RBFOX1: variants seen among roughly 807,000 people sequenced by gnomAD.
The protein encoded by RBFOX1 is RNA binding protein fox-1 homolog 1.
Under a neutral mutation model 57.7 loss-of-function variants are expected in RBFOX1, and 8 were observed. The observed-to-expected ratio is 0.14, with a 90% CI of 0.08 to 0.25. The LOEUF (loss-of-function observed/expected upper bound fraction) is 0.25. RBFOX1 is among the 10% of genes least tolerant of loss of function. The pLI is 1.00. For synonymous variants in RBFOX1, 326 were observed against 222.4 expected, an observed-to-expected ratio of 1.47 and a Z score of -4.15; for missense variants, 611 against 548.5, an observed-to-expected ratio of 1.11 and a Z score of -1.14.
intron 2 of RBFOX1, among the ~76,000 whole-genome samples, chr16:6,442,232 A>G (rs2094398125): frequency 1.3e-5 from 2 of 152,142 alleles, no homozygotes; most frequent in South Asian, 4.1e-4. Context: ...AGGGGGACAC[A>G]TCCACTCGAA....
chr16:7,335,045 G>A (rs1179830545), intron 4 of RBFOX1, among the ~76,000 whole-genome samples: 1 of 152,152 alleles, frequency 6.6e-6, no homozygotes, highest in Non-Finnish European at 1.5e-5. Context: ...CTTTACTTAT[G>A]GTTTGCTGAG....
At chr16:5,755,504 A>T (rs2053361562) in intron 3 of RBFOX1, among the ~76,000 whole-genome samples, 1 of 152,198 alleles carries the variant, frequency 6.6e-6, no homozygotes, top group Non-Finnish European at 1.5e-5. Context: ...CAGTAGCCCT[A>T]AGCTGTGACT....
chr16:6,452,286 C>G (rs894727118), intron 2 of RBFOX1, among the ~76,000 whole-genome samples: 17 of 151,860 alleles, frequency 1.1e-4, no homozygotes, highest in Admixed American at 3.3e-4. Context: ...TTCCATGACT[C>G]CATCCATGGC....
intron 3 of RBFOX1, among the ~76,000 whole-genome samples, chr16:5,816,598 A>G (rs558786139): frequency 6.6e-6 from 1 of 152,268 alleles, no homozygotes; most frequent in Admixed American, 6.5e-5. Flanking sequence ...AGCCTGGGCA[A>G]CATAGTTAAA....
intron 4 of RBFOX1, among the ~76,000 whole-genome samples, chr16:7,215,818 G>T (rs930729400): frequency 1.3e-5 from 2 of 149,190 alleles, no homozygotes; most frequent in Non-Finnish European, 2.9e-5. Context: ...TCTGCCTCTC[G>T]GGTTCACGCC....
intron 3 of RBFOX1, among the ~76,000 whole-genome samples, chr16:5,642,121 C>G (rs1016649690): frequency 5.8e-4 from 89 of 152,222 alleles, no homozygotes; most frequent in African/African-American, 2.0e-3. Context: ...TTTATTCTGC[C>G]TGGCTGAAGA....
chr16:6,922,474 C>G (rs1044021177), intron 3 of RBFOX1, among the ~76,000 whole-genome samples: 43 of 152,132 alleles, frequency 2.8e-4, no homozygotes, highest in Admixed American at 2.8e-3. Context: ...TGGGTGGTTG[C>G]TAATCTTTTA....
chr16:7,134,444 G>C (rs1185069170), intron 4 of RBFOX1, among the ~76,000 whole-genome samples: 1 of 152,126 alleles, frequency 6.6e-6, no homozygotes, highest in Non-Finnish European at 1.5e-5. Context: ...TCCAATTATT[G>C]ATATGTTTTC....
At chr16:7,127,549 A>G (rs566173212) in intron 4 of RBFOX1, among the ~76,000 whole-genome samples, 2 of 152,300 alleles carry the variant, frequency 1.3e-5, no homozygotes, top group Admixed American at 6.5e-5. Flanking sequence ...CTGTATGTGT[A>G]TGCACGAGCG....
At chr16:6,519,572 A>G (rs1240044096) in intron 2 of RBFOX1, among the ~76,000 whole-genome samples, 1 of 152,106 alleles carries the variant, frequency 6.6e-6, no homozygotes, top group East Asian at 1.9e-4. Context: ...GTGGTGGTAC[A>G]TGCCTGCAAT....
intron 4 of RBFOX1, among the ~76,000 whole-genome samples, chr16:5,923,054 A>G (rs1042399624): frequency 1.3e-5 from 2 of 152,092 alleles, no homozygotes; most frequent in Non-Finnish European, 2.9e-5. Flanking sequence ...AAGGCCTTGG[A>G]TGGTTTTCAC....
intron 3 of RBFOX1, among the ~76,000 whole-genome samples, chr16:5,717,415 C>A (rs1369326325): frequency 2.6e-5 from 4 of 152,014 alleles, no homozygotes; most frequent in African/African-American, 7.2e-5. Flanking sequence ...TGGATAAGTT[C>A]TTTAATGGTA....
At chr16:7,705,392 C>T (rs1359325915) in intron 14 of RBFOX1, among the ~76,000 whole-genome samples, 2 of 152,110 alleles carry the variant, frequency 1.3e-5, no homozygotes, top group African/African-American at 2.4e-5. Flanking sequence ...GTAGTCCCAG[C>T]TATTCGGGAG....
chr16:6,238,953 C>T (rs1263801056), intron 1 of RBFOX1, among the ~76,000 whole-genome samples: 1 of 152,072 alleles, frequency 6.6e-6, no homozygotes, highest in South Asian at 2.1e-4. Context: ...TTATTTTTGA[C>T]CATAGTCACC....
chr16:5,950,312 A>G (rs1389336391), intron 4 of RBFOX1, among the ~76,000 whole-genome samples: 1 of 152,206 alleles, frequency 6.6e-6, no homozygotes, highest in African/African-American at 2.4e-5. Flanking sequence ...CAGCCCTGCC[A>G]TGGGCTGATA....
At chr16:6,214,529 A>G in intron 1 of RBFOX1, among the ~76,000 whole-genome samples, 1 of 94,844 alleles carries the variant, frequency 1.1e-5, no homozygotes, top group African/African-American at 4.2e-5. Context: ...GAAGAGAGGG[A>G]GATGGGGAGA....
intron 2 of RBFOX1, among the ~76,000 whole-genome samples, chr16:6,455,724 A>C (rs1281514887): frequency 2.0e-5 from 3 of 152,132 alleles, no homozygotes; most frequent in Admixed American, 2.0e-4. Flanking sequence ...GCAGGAATGG[A>C]GGGGGTCGTT....
At chr16:7,330,089 C>G (rs780302925) in intron 4 of RBFOX1, among the ~76,000 whole-genome samples, 4 of 151,970 alleles carry the variant, frequency 2.6e-5, no homozygotes, top group Non-Finnish European at 4.4e-5. Flanking sequence ...CATGATATAT[C>G]CAATTTGTCA....
At chr16:7,315,092 T>TATTTC (rs1555699717) in intron 4 of RBFOX1, among the ~76,000 whole-genome samples, 43,359 of 147,630 alleles carry the variant, frequency 0.29, 7,754 homozygotes, top group African/African-American at 0.52. Flanking sequence ...AGAAAAGCTC[T>TATTTC]TTTTTTTTTT....
Sources: gnomAD v4.1 joint callset for allele counts (sites outside exome capture counted in the v4.1 genomes callset) on GRCh38, gnomAD v4.1.1 for gene constraint, MANE v1.5 for transcripts, NCBI Gene and HGNC (gene_info 2026-07-23, HGNC 2026-07-21) for gene names.